The following ALMS1 variants were observed in gnomAD, a reference collection of about 807,000 sequenced individuals.
ALMS1 encodes ALMS1 centrosome and basal body associated protein, also known as centrosome-associated protein ALMS1.
In ALMS1, 271 loss-of-function variants were observed where a neutral mutation model predicts 352.2. That is an observed-to-expected ratio of 0.77 (90% CI 0.70 to 0.85). The LOEUF is 0.85. Ranked by LOEUF, ALMS1 falls within the 40% of genes least tolerant of loss-of-function variation. ALMS1 has a pLI of 0.00. For synonymous variants in ALMS1, 1,865 were observed against 1,761.2 expected (o/e 1.06, Z -1.48); for missense variants, 5,445 against 4,870.7 (o/e 1.12, Z -3.51).
intron 7 of ALMS1, among the ~76,000 whole-genome samples, chr2:73,440,350 G>A (rs2103754139): frequency 6.6e-6 from 1 of 152,230 alleles, no homozygotes; most frequent in Middle Eastern, 3.4e-3. Context: ...GTAAGTTTAT[G>A]TCTCATCAAA....
chr2:73,408,680 C>T lies in ALMS1; in HGVS notation c.383C>T (p.Thr128Ile). The change falls in exon 2 of 23, where the codon ACA (threonine) becomes ATA (isoleucine). Residue 128 changes from threonine (T) to isoleucine (I), a missense_variant. Physicochemically the swap from Thr to Ile is moderately conservative, Grantham distance 89 (BLOSUM62 -1). Transcript: ENST00000613296. ...QQIVYQGNSRTQISDTNVVCL... is the reference protein window; with the variant it reads ...QQIVYQGNSRIQISDTNVVCL... Reference sequence around the variant, plus strand: ...ATAGTATATCAAGGCAATAGTAGAACACAAATTTCTGATACTAATGTGGTC... The same window carrying T: ...ATAGTATATCAAGGCAATAGTAGAATACAAATTTCTGATACTAATGTGGTC... 3 of 1,613,382 alleles carry T rather than the reference C, an allele frequency of 1.9e-6. No homozygotes were observed. The highest frequency in any genetic ancestry group is 2.5e-6 in the Non-Finnish European group (3 of 1,179,684).
At chr2:73,541,429 G>C (rs936602173) in intron 12 of ALMS1, among the ~76,000 whole-genome samples, 17 of 152,212 alleles carry the variant, frequency 1.1e-4, no homozygotes, top group Admixed American at 4.6e-4. Flanking sequence ...AGGAAAGATC[G>C]AAAATTGACA....
chr2:73,470,655 G>C (rs1050636923), intron 9 of ALMS1: 1 of 151,820 alleles, frequency 6.6e-6, no homozygotes, highest in Admixed American at 6.6e-5. Context: ...CAACTGTTAG[G>C]TGGAATATTC....
intron 9 of ALMS1, among the ~76,000 whole-genome samples, chr2:73,456,410 G>C (rs910658075): frequency 1.3e-5 from 2 of 152,172 alleles, no homozygotes; most frequent in African/African-American, 4.8e-5. Flanking sequence ...CATTTTGTCT[G>C]CTATTTTGCA....
At chr2:73,603,447 T>C (rs530851927) in intron 21 of ALMS1, 143 bp downstream of exon 21, 125 of 723,810 alleles carry the variant, frequency 1.7e-4, no homozygotes, top group Non-Finnish European at 2.6e-4. Context: ...TTCTCACTTA[T>C]GGCACTGAAA....
rs1412957434 is a variant in ALMS1, at chr2:73,559,077, G to A, written c.10319G>A (p.Arg3440Lys). The stretch of plus-strand genomic sequence containing the variant: ...ATTACACAGAAAGAGGAGATCCATA[G>A]GAAGAAGACAGTTCCCGAGGAAGCC... ...KAITQKEEIH[R>K]KKTVPEEAWP... Residue 3440 changes from arginine (R) to lysine (K), a missense_variant, in exon 15 of 23, where the codon AGG becomes AAG. Transcript: ENST00000613296. 1.2e-6 allele frequency: 2 copies of A among 1,613,994 alleles called. No homozygotes were observed. Among genetic ancestry groups the A allele is most frequent in the South Asian group, 2.2e-5 (2 of 91,064 alleles).
Position 73,424,877 on chromosome 2 carries a change from T to C in ALMS1, c.1212T>C (p.Ser404=), listed in dbSNP as rs376323969. ...YGQYWTQEDS[S]KQAETYLTKG... ...AGTATTGGACACAGGAAGATTCATC[T>C]AAGCAGGCAGAAACATATTTAACCA... The change falls in exon 5 of 23, where the codon TCT becomes TCC. Residue 404 remains serine (S), a synonymous_variant. Transcript: ENST00000613296. The C allele has an allele frequency of 6.2e-7, 1 of 1,603,586 alleles. No individual in the cohort carries two copies. Among genetic ancestry groups the C allele is most frequent in the Non-Finnish European group, 8.5e-7 (1 of 1,174,390 alleles).
intron 2 of ALMS1, among the ~76,000 whole-genome samples, chr2:73,415,214 C>T (rs898550249): frequency 6.7e-6 from 1 of 148,834 alleles, no homozygotes. Context: ...AAAGGTATAA[C>T]ACAAAGAATA....
chr2:73,573,146 A>T lies in ALMS1; in HGVS notation c.11269A>T (p.Thr3757Ser), dbSNP rs191696367. Reference protein sequence around the residue: ...TDTTTNILSGTTSTVESDILT... With the variant: ...TDTTTNILSGSTSTVESDILT... ...TACTACCACCAACATCCTTTCCGGC[A>T]CCACTTCTACTGTCGAATCAGATAT... is the stretch of plus-strand genomic sequence containing the variant. The change falls in exon 16 of 23, where the codon ACC (threonine) becomes TCC (serine). Residue 3757 changes from threonine to serine, a missense_variant. Physicochemically the swap from Thr to Ser is moderately conservative, Grantham distance 58 (BLOSUM62 1). Coordinates refer to ENST00000613296, the MANE Select transcript of ALMS1 (RefSeq NM_001378454.1). 1 of 1,613,898 alleles carries T rather than the reference A, an allele frequency of 6.2e-7. No individual in the cohort carries two copies. The highest frequency in any genetic ancestry group is 2.2e-5 in the East Asian group (1 of 44,870).
chr2:73,428,445 T>A (rs1671438100), intron 6 of ALMS1, among the ~76,000 whole-genome samples: 1 of 152,202 alleles, frequency 6.6e-6, no homozygotes, highest in South Asian at 2.1e-4. Flanking sequence ...AGAGTAGAGG[T>A]TTTGAAGGAG....
chr2:73,557,596 A>G (rs1032928852), intron 14 of ALMS1, among the ~76,000 whole-genome samples: 19 of 152,216 alleles, frequency 1.2e-4, no homozygotes, highest in Admixed American at 1.3e-4. Context: ...TGAATATAGT[A>G]AACAAATTAA....
At chr2:73,474,435 A>G (rs1672541507) in intron 9 of ALMS1, among the ~76,000 whole-genome samples, 1 of 145,898 alleles carries the variant, frequency 6.9e-6, no homozygotes, top group African/African-American at 2.6e-5. Flanking sequence ...GACGGTGAAG[A>G]ACTACTTATT....
intron 9 of ALMS1, among the ~76,000 whole-genome samples, chr2:73,488,426 G>A (rs919115107): frequency 2.6e-5 from 4 of 152,238 alleles, no homozygotes; most frequent in African/African-American, 9.6e-5. Context: ...GGCAGTGGGA[G>A]CAGGCACTTC....
chr2:73,401,698 A>G (rs2103658396), intron 1 of ALMS1, among the ~76,000 whole-genome samples: 1 of 151,572 alleles, frequency 6.6e-6, no homozygotes, highest in Admixed American at 6.6e-5. Context: ...TTTTTGTGGC[A>G]AGAGCTTCTA....
intron 2 of ALMS1, among the ~76,000 whole-genome samples, chr2:73,409,929 G>A (rs1219870656): frequency 2.6e-5 from 4 of 152,126 alleles, no homozygotes; most frequent in Non-Finnish European, 5.9e-5. Context: ...GAATCTGCAG[G>A]TAGAATACCC....
intron 8 of ALMS1, chr2:73,454,382 G>A (rs1191288583): frequency 2.0e-6 from 2 of 984,674 alleles, no homozygotes; most frequent in African/African-American, 1.7e-5. Flanking sequence ...TAAAGAGGTC[G>A]CTTGGGCTCC....
At chr2:73,455,521 A>AGG (rs1481766872) in intron 9 of ALMS1, among the ~76,000 whole-genome samples, 1 of 152,168 alleles carries the variant, frequency 6.6e-6, no homozygotes, top group Admixed American at 6.5e-5. Context: ...CTCCCACCTC[A>AGG]GCCTCTCAGG....
At chr2:73,604,025 G>A (rs1369144107) in intron 21 of ALMS1, 3 of 152,174 alleles carry the variant, frequency 2.0e-5, no homozygotes, top group Admixed American at 6.6e-5. Flanking sequence ...TTAAAATTTC[G>A]AAGCATGTGA....
intron 21 of ALMS1, among the ~76,000 whole-genome samples, chr2:73,604,364 C>T (rs1675769097): frequency 1.3e-5 from 2 of 152,158 alleles, no homozygotes; most frequent in African/African-American, 2.4e-5. Flanking sequence ...CACCATTACG[C>T]TCCGGCCTGG....
Sources: allele counts gnomAD v4.1 joint callset (sites outside exome capture counted in the v4.1 genomes callset), GRCh38; gene constraint gnomAD v4.1.1; transcripts MANE v1.5; gene names NCBI Gene and HGNC (gene_info 2026-07-23, HGNC 2026-07-21).